Variants in STAM2 observed in about 807,000 individuals in gnomAD.
STAM2 encodes the protein signal transducing adaptor molecule 2, also known as signal transducing adapter molecule 2.
In STAM2, 51 loss-of-function variants were observed where a neutral mutation model predicts 65.6. The observed-to-expected ratio is 0.78, with a 90% confidence interval of 0.62 to 0.98. STAM2 has a LOEUF of 0.98. Ranked by LOEUF, STAM2 falls within the 50% of genes least tolerant of loss-of-function variation. The probability of loss-of-function intolerance (pLI) is 0.00; values close to 1 mark genes in which losing one functional copy is unlikely to be tolerated. For synonymous variants in STAM2, 198 were observed against 208.4 expected, an observed-to-expected ratio of 0.95 and a Z score of 0.43; for missense variants, 584 against 617.8, an observed-to-expected ratio of 0.95 and a Z score of 0.58.
Position 152,120,579 on chromosome 2 carries a change from G to C in STAM2, c.1573C>G (p.Leu525Val). 6.2e-7 allele frequency: 1 copy of C among 1,613,808 alleles called. No individual in the cohort carries two copies. Among genetic ancestry groups the C allele is most frequent in the East Asian group, 2.2e-5 (1 of 44,870 alleles). The change falls in exon 14 of 14, where the codon CTT becomes GTT. Residue 525 changes from leucine to valine, a missense_variant. By Grantham distance (32) the Leu-to-Val change is conservative. Coordinates refer to ENST00000263904, the MANE Select transcript of STAM2 (RefSeq NM_005843.6). The part of the protein sequence containing the change: ...QHTNYHQQPL[L>V] ...AGAAAATGCTTGATTTGTTTCTAAA[G>C]GAGAGGCTGCTGATGGTAATTTGTG...
At chr2:152,135,426 T>C in intron 8 of STAM2, 83 bp downstream of exon 8, 2 of 958,562 alleles carry the variant, frequency 2.1e-6, no homozygotes, top group Non-Finnish European at 3.3e-6. Context: ...TAAATGCCAA[T>C]CTACTTTACA....
intron 7 of STAM2, 134 bp from the exon 8 acceptor site, chr2:152,135,737 A>C: frequency 1.6e-6 from 1 of 607,238 alleles, no homozygotes; most frequent in Non-Finnish European, 2.9e-6. Context: ...CATTTTTCTT[A>C]AATTTAATAA....
At chr2:152,152,447 G>A (rs1378208292) in intron 1 of STAM2, among the ~76,000 whole-genome samples, 3 of 152,122 alleles carry the variant, frequency 2.0e-5, no homozygotes, top group African/African-American at 7.2e-5. Flanking sequence ...TACTCGGAAG[G>A]CTGAGGCAGG....
chr2:152,148,993 GAA>G (rs1391107182), intron 2 of STAM2, among the ~76,000 whole-genome samples: 2 of 152,112 alleles, frequency 1.3e-5, no homozygotes, highest in African/African-American at 4.8e-5. Context: ...AATGTACTAT[GAA>G]AAGCTTTAAT....
chr2:152,165,318 C>T (rs1440248060), intron 1 of STAM2, among the ~76,000 whole-genome samples: 1 of 151,948 alleles, frequency 6.6e-6, no homozygotes, highest in Non-Finnish European at 1.5e-5. Flanking sequence ...GTAGTCCCAA[C>T]TCCTCAGGAG....
intron 1 of STAM2, among the ~76,000 whole-genome samples, chr2:152,162,551 C>T (rs951082667): frequency 6.6e-6 from 1 of 152,168 alleles, no homozygotes; most frequent in African/African-American, 2.4e-5. Flanking sequence ...TGTACTCCAG[C>T]CTGGGCTGGG....
At chr2:152,138,309 A>G (rs1296431526) in intron 7 of STAM2, among the ~76,000 whole-genome samples, 1 of 152,046 alleles carries the variant, frequency 6.6e-6, no homozygotes, top group Admixed American at 6.6e-5. Context: ...GACCTTACAT[A>G]TCTTTGTTAG....
chr2:152,172,862 CA>C (rs1400288847), intron 1 of STAM2, among the ~76,000 whole-genome samples: 1,381 of 62,382 alleles, frequency 0.022, 16 homozygotes, highest in African/African-American at 0.061. Flanking sequence ...AGATTCGTCT[CA>C]AAAAAAAAAA....
intron 7 of STAM2, among the ~76,000 whole-genome samples, chr2:152,137,523 T>A (rs376945398): frequency 3.9e-5 from 6 of 152,320 alleles, no homozygotes; most frequent in African/African-American, 1.4e-4. Flanking sequence ...TGGACAGCAG[T>A]TGTTTGTCTG....
intron 7 of STAM2, among the ~76,000 whole-genome samples, chr2:152,141,684 G>T (rs564046684): frequency 6.6e-6 from 1 of 151,476 alleles, no homozygotes; most frequent in South Asian, 2.1e-4. Context: ...TCCGCCTCCC[G>T]GGTTCCAGCG....
At chr2:152,156,713 T>C (rs1447080699) in intron 1 of STAM2, among the ~76,000 whole-genome samples, 2 of 152,242 alleles carry the variant, frequency 1.3e-5, no homozygotes, top group African/African-American at 4.8e-5. Context: ...ACAGTCATTA[T>C]GTTCAAAGTA....
chr2:152,136,065 G>A (rs1689148021), intron 7 of STAM2, among the ~76,000 whole-genome samples: 1 of 150,374 alleles, frequency 6.7e-6, no homozygotes, highest in Admixed American at 6.6e-5. Context: ...ACTCCAGCCT[G>A]GGTGACACAG....
intron 1 of STAM2, among the ~76,000 whole-genome samples, chr2:152,164,017 G>A (rs932373613): frequency 3.3e-5 from 5 of 151,388 alleles, no homozygotes; most frequent in Non-Finnish European, 7.4e-5. Context: ...GGCCTCAGAA[G>A]CATGTGATCT....
chr2:152,127,471 A>C (rs1688981689), intron 11 of STAM2, among the ~76,000 whole-genome samples: 1 of 152,150 alleles, frequency 6.6e-6, no homozygotes, highest in African/African-American at 2.4e-5. Context: ...AATCTCAATA[A>C]AAGAAAGTAC....
chr2:152,152,629 G>C (rs1057378825), intron 1 of STAM2, among the ~76,000 whole-genome samples: 10 of 152,156 alleles, frequency 6.6e-5, no homozygotes, highest in African/African-American at 2.2e-4. Flanking sequence ...ACAAGTCTCT[G>C]TGTGGACATT....
chr2:152,129,464 A>G (rs113334842), intron 11 of STAM2, among the ~76,000 whole-genome samples: 7 of 152,306 alleles, frequency 4.6e-5, no homozygotes, highest in African/African-American at 1.7e-4. Context: ...TCTGACTTCT[A>G]ATTCTTCTAG....
At chr2:152,131,574 A>T (rs1689063741) in intron 11 of STAM2, 1 of 154,360 alleles carries the variant, frequency 6.5e-6, no homozygotes, top group African/African-American at 2.4e-5. Flanking sequence ...AAGAGGAAAA[A>T]GTCAGTGGAG....
chr2:152,150,280 C>T (rs1480766564), intron 1 of STAM2, 51 bp from the exon 2 acceptor site: 8 of 1,170,400 alleles, frequency 6.8e-6, no homozygotes, highest in African/African-American at 1.5e-5. Context: ...TCATATAACA[C>T]TAAAATACCA....
At chr2:152,147,844 T>C (rs1357709447) in intron 4 of STAM2, among the ~76,000 whole-genome samples, 180 bp downstream of exon 4, 1 of 152,178 alleles carries the variant, frequency 6.6e-6, no homozygotes, top group Non-Finnish European at 1.5e-5. Context: ...TATATATACT[T>C]TGGGGAGAAT....
Sources: gnomAD v4.1 joint callset for allele counts (sites outside exome capture counted in the v4.1 genomes callset) on GRCh38, gnomAD v4.1.1 for gene constraint, MANE v1.5 for transcripts, NCBI Gene and HGNC (gene_info 2026-07-23, HGNC 2026-07-21) for gene names.